PNPLA1: variants seen among roughly 807,000 people sequenced by gnomAD.
PNPLA1 encodes the protein omega-hydroxyceramide transacylase.
Under a neutral mutation model 51.7 loss-of-function variants are expected in PNPLA1, and 36 were observed. The observed-to-expected ratio is 0.70, with a 90% CI of 0.53 to 0.92. The LOEUF is 0.92. Among genes scored for constraint, PNPLA1 ranks in the 40% least tolerant of loss-of-function variants. PNPLA1 has a pLI of 0.00. For missense variants in PNPLA1, 658 were observed against 682.5 expected (o/e 0.96, Z 0.40); for synonymous variants, 293 against 280.1 (o/e 1.05, Z -0.46).
chr6:36,261,580 A>G (rs988731301), intron 1 of PNPLA1, among the ~76,000 whole-genome samples: 1 of 152,230 alleles, frequency 6.6e-6, no homozygotes. Context: ...CGTGGTTCCA[A>G]TCTTCGTGCA....
At chr6:36,246,763 G>A (rs1034105351) in intron 1 of PNPLA1, among the ~76,000 whole-genome samples, 1 of 152,164 alleles carries the variant, frequency 6.6e-6, no homozygotes, top group Non-Finnish European at 1.5e-5. Context: ...CCTCCCAGGT[G>A]TTTCTCAGTC....
At chr6:36,309,104 A>G (rs1463669985) in intron 8 of PNPLA1, among the ~76,000 whole-genome samples, 1 of 152,176 alleles carries the variant, frequency 6.6e-6, no homozygotes, top group Admixed American at 6.5e-5. Flanking sequence ...TCAGACAGAC[A>G]AGGGTCAGAG....
At chr6:36,274,418 A>G (rs1770028423) in intron 1 of PNPLA1, among the ~76,000 whole-genome samples, 1 of 152,166 alleles carries the variant, frequency 6.6e-6, no homozygotes, top group Non-Finnish European at 1.5e-5. Context: ...GCCCAAGAAT[A>G]TCTTGGGAAG....
At chr6:36,266,125 G>A (rs139454832), upstream of PNPLA1, among the ~76,000 whole-genome samples, 302 of 152,288 alleles carry the variant, frequency 2.0e-3, no homozygotes, top group African/African-American at 6.6e-3. Context: ...ATACCCACTG[G>A]CAACCAGAAG....
intron 1 of PNPLA1, among the ~76,000 whole-genome samples, chr6:36,280,077 G>A (rs529859985): frequency 9.5e-4 from 144 of 152,260 alleles, no homozygotes; most frequent in African/African-American, 3.1e-3. Context: ...GTGGTGGTGC[G>A]TGCCTGTAGT....
intron 6 of PNPLA1, among the ~76,000 whole-genome samples, chr6:36,302,671 T>C (rs1452646366): frequency 6.6e-6 from 1 of 152,176 alleles, no homozygotes; most frequent in Non-Finnish European, 1.5e-5. Flanking sequence ...CTTGGTGCAG[T>C]GCTTCTCAAA....
rs537698287 is a variant in PNPLA1, at chr6:36,307,336, A to G, written c.1470-251A>G. 5.3e-5 allele frequency among the ~76,000 whole-genome samples: 8 copies of G among 152,334 alleles called. 1 individual carries two copies. The South Asian group carries it at 1.2e-3, about 24-fold the overall frequency. ...GGCATAAGTTATGCATTTTGTTCAC[A>G]TAATTTAAACTTTTTTGCATTTACA... On this transcript the variant is annotated intron_variant, in intron 7 of 8. Transcript: ENST00000636260.
chr6:36,310,011 A>G (rs1463143302), intron 8 of PNPLA1, among the ~76,000 whole-genome samples: 2 of 151,186 alleles, frequency 1.3e-5, no homozygotes, highest in African/African-American at 4.9e-5. Context: ...GATGTCCCAT[A>G]CACTAATCAG....
chr6:36,282,985 A>C (rs896868132), intron 1 of PNPLA1, among the ~76,000 whole-genome samples: 3 of 152,086 alleles, frequency 2.0e-5, no homozygotes, highest in Non-Finnish European at 4.4e-5. Context: ...ACCTGACCTG[A>C]TCTGTGTTTT....
intron 3 of PNPLA1, among the ~76,000 whole-genome samples, chr6:36,293,891 C>G (rs1012920503): frequency 6.6e-6 from 1 of 152,126 alleles, no homozygotes; most frequent in Non-Finnish European, 1.5e-5. Context: ...GTATGGGTCC[C>G]CTGCACACAG....
intron 1 of PNPLA1, among the ~76,000 whole-genome samples, chr6:36,278,043 GC>G (rs934417683): frequency 2.0e-4 from 31 of 152,238 alleles, no homozygotes; most frequent in African/African-American, 7.2e-4. Flanking sequence ...ATGACCCTCT[GC>G]CCCCCTTTCA....
intron 2 of PNPLA1, among the ~76,000 whole-genome samples, chr6:36,292,358 C>G (rs911734007): frequency 6.6e-6 from 1 of 152,132 alleles, no homozygotes; most frequent in African/African-American, 2.4e-5. Flanking sequence ...CGCCCACCCC[C>G]GTTCTGACTT....
chr6:36,254,941 G>C (rs1202148348), intron 1 of PNPLA1, among the ~76,000 whole-genome samples: 1 of 152,146 alleles, frequency 6.6e-6, no homozygotes, highest in African/African-American at 2.4e-5. Flanking sequence ...GTTTAATTGG[G>C]CATCAAATGC....
At chr6:36,284,727 T>A (rs1253898229) in intron 1 of PNPLA1, among the ~76,000 whole-genome samples, 1 of 152,160 alleles carries the variant, frequency 6.6e-6, no homozygotes, top group Non-Finnish European at 1.5e-5. Context: ...CTCAGGGCAG[T>A]GTTTTGGGGG....
At chr6:36,307,530 T>A in intron 7 of PNPLA1, 57 bp from the exon 8 acceptor site, 1 of 1,589,314 alleles carries the variant, frequency 6.3e-7, no homozygotes, top group Non-Finnish European at 8.6e-7. Context: ...CAGGCCACCA[T>A]GTTGGAGGAC....
chr6:36,302,134 T>C lies in PNPLA1; in HGVS notation c.1049T>C (p.Leu350Pro). Residue 350 changes from leucine to proline, a missense_variant, in exon 6 of 9, where the codon CTT (leucine) becomes CCT (proline). By Grantham distance (98) the Leu-to-Pro change is moderately conservative. Transcript: ENST00000636260. ...CCTGTTTCAGCACCAGTCTCTCCAC[T>C]TGAGCAGCCACCTGCACAGCCACTG... ...ESPVSAPVSP[L>P]EQPPAQPLAS... The C allele has an allele frequency of 1.2e-6, 2 of 1,614,184 alleles. No homozygotes were observed. The highest frequency in any genetic ancestry group is 1.7e-6 in the Non-Finnish European group (2 of 1,180,036).
intron 8 of PNPLA1, among the ~76,000 whole-genome samples, chr6:36,309,835 T>C (rs1374294548): frequency 3.3e-5 from 5 of 152,096 alleles, no homozygotes; most frequent in Middle Eastern, 3.2e-3. Context: ...TCAAAAATGT[T>C]AGGGATGGAG....
intron 1 of PNPLA1, among the ~76,000 whole-genome samples, chr6:36,277,215 C>T (rs757426560): frequency 4.0e-4 from 61 of 152,204 alleles, no homozygotes; most frequent in Non-Finnish European, 7.6e-4. Flanking sequence ...CGTTGCCTTT[C>T]CTGTGGTCCA....
At chr6:36,284,238 C>T (rs969165009) in intron 1 of PNPLA1, among the ~76,000 whole-genome samples, 7 of 152,222 alleles carry the variant, frequency 4.6e-5, no homozygotes, top group African/African-American at 9.7e-5. Flanking sequence ...CCATGACAAT[C>T]GGATATAAGC....
Sources: allele counts gnomAD v4.1 joint callset (sites outside exome capture counted in the v4.1 genomes callset), GRCh38; gene constraint gnomAD v4.1.1; transcripts MANE v1.5; gene names NCBI Gene and HGNC (gene_info 2026-07-23, HGNC 2026-07-21).